The following MYH6 variants were observed in gnomAD, a reference collection of about 807,000 sequenced individuals.
MYH6 encodes myosin-6.
MYH6 carries 126 observed loss-of-function variants against 223.2 expected under a neutral mutation model. That is an observed-to-expected ratio of 0.56 (90% CI 0.49 to 0.65). The LOEUF (loss-of-function observed/expected upper bound fraction) is 0.65, where lower values mean the gene tolerates loss of function less well. Among genes scored for constraint, MYH6 ranks in the 30% least tolerant of loss-of-function variants. The pLI is 0.00. For missense variants in MYH6, 2,040 were observed against 2,536.4 expected, an observed-to-expected ratio of 0.80 and a Z score of 4.20; for synonymous variants, 978 against 1,010.2, an observed-to-expected ratio of 0.97 and a Z score of 0.61.
At chr14:23,395,761 C>A (rs1303007567) in intron 20 of MYH6, among the ~76,000 whole-genome samples, 1 of 152,126 alleles carries the variant, frequency 6.6e-6, no homozygotes, top group African/African-American at 2.4e-5. Context: ...ATCTCCTGAC[C>A]TCGTGATCCA....
Position 23,392,938 on chromosome 14 carries a change from T to C in MYH6, c.3225A>G (p.Lys1075=), listed in dbSNP as rs1215822435. The C allele has an allele frequency of 1.9e-6, 3 of 1,614,028 alleles. No individual in the cohort carries two copies. The African/African-American group carries it at 4.0e-5, about 22-fold the overall frequency. Residue 1075 remains lysine (K), a synonymous_variant, in exon 24 of 39, where the codon AAA becomes AAG. Transcript: ENST00000405093. ...QESIMDLEND[K]LQLEEKLKKK... ...TCTTAAGCTTTTCTTCCAGCTGCAG[T>C]TTATCATTTTCCAGGTCCATGATGC...
At chr14:23,396,446 G>T in intron 19 of MYH6, 26 bp from the exon 20 acceptor site, 1 of 1,612,566 alleles carries the variant, frequency 6.2e-7, no homozygotes, top group South Asian at 1.1e-5. Context: ...AGATGCAACA[G>T]GCCGCAGCCT....
chr14:23,392,814 C>A, intron 24 of MYH6, 98 bp downstream of exon 24: 2 of 1,564,974 alleles, frequency 1.3e-6, no homozygotes, highest in Admixed American at 1.7e-5. Context: ...TCCCAGCATA[C>A]CCAAGGCAAC....
rs1404787586 is a variant in MYH6 at position 23,397,541 on chromosome 14, A to G, written c.1962+2T>C. The G allele has an allele frequency of 6.2e-7, 1 of 1,613,922 alleles. No individual in the cohort carries two copies. ...GTCCTGGCACCCCTGGGCCCTTCTT[A>G]CCCGGTGGAGAGCCGACACCGTCTG... On this transcript the variant is annotated splice_donor_variant, in intron 16 of 38. Coordinates refer to ENST00000405093, the MANE Select transcript of MYH6 (RefSeq NM_002471.4). LOFTEE classifies it high-confidence loss of function.
intron 8 of MYH6, 68 bp from the exon 9 acceptor site, chr14:23,403,846 C>A: frequency 7.3e-7 from 1 of 1,374,380 alleles, no homozygotes; most frequent in South Asian, 1.2e-5. Context: ...GCCCTCTGTT[C>A]AGCCCAGAAG....
rs112735414 is a variant in MYH6 at position 23,403,403 on chromosome 14, C to T, written c.843G>A (p.Glu281=). Residue 281 remains glutamate (E), a synonymous_variant, in exon 10 of 39, where the codon GAG becomes GAA. Coordinates refer to ENST00000405093, the MANE Select transcript of MYH6 (RefSeq NM_002471.4). ...TCTGGTAGAAGATGTGGTAGTTTCT[C>T]TCAGCTTTCAGCTGGAAGATCACCC... ...KSRVIFQLKA[E]RNYHIFYQIL... is the part of the protein sequence containing the mutation. The T allele has an allele frequency of 8.7e-6, 14 of 1,614,084 alleles. No homozygotes were observed. In the South Asian group the frequency reaches 1.1e-4, roughly 13 times the overall value.
At chr14:23,385,315 G>C (rs930187192) in intron 34 of MYH6, among the ~76,000 whole-genome samples, 1 of 151,662 alleles carries the variant, frequency 6.6e-6, no homozygotes. Context: ...ACATGTTTAC[G>C]TAGGAGCATG....
rs755434984 is a variant in MYH6 at position 23,388,228 on chromosome 14, T to A, written c.4286A>T (p.Asp1429Val). The change falls in exon 30 of 39, where the codon GAC (aspartate) becomes GTC (valine). Residue 1429 changes from aspartate (D) to valine (V), a missense_variant. Around this residue, in one of 4 missense-constraint regions of MYH6, gnomAD observed 1,203 missense variants for 1,400.2 expected, o/e 0.86. Transcript: ENST00000405093. ...TKHRLQNEIE[D>V]LMVDVERSNA... Reference sequence around the variant, plus strand: ...GGAGCGCTCTACGTCCACCATCAAGTCCTCTATCTCATTCTGTAGCCGGTG... The same window carrying A: ...GGAGCGCTCTACGTCCACCATCAAGACCTCTATCTCATTCTGTAGCCGGTG... The A allele has an allele frequency of 1.5e-5, 24 of 1,612,576 alleles. No homozygotes were observed. Among genetic ancestry groups the A allele is most frequent in the Non-Finnish European group, 2.5e-6 (3 of 1,180,026 alleles).
At chr14:23,401,607 C>T (rs201939075) in intron 12 of MYH6, among the ~76,000 whole-genome samples, 6 of 152,252 alleles carry the variant, frequency 3.9e-5, no homozygotes, top group Non-Finnish European at 8.8e-5. Flanking sequence ...CACCATATCC[C>T]TCGCCTCTCC....
At chr14:23,398,586 T>A (rs575138875) in intron 15 of MYH6, 142 bp downstream of exon 15, 2 of 894,934 alleles carry the variant, frequency 2.2e-6, no homozygotes, top group East Asian at 4.9e-5. Context: ...CCAGCTGGAC[T>A]GTGGTGAGGT....
At chr14:23,397,982 CTT>C (rs1891475805) in intron 15 of MYH6, among the ~76,000 whole-genome samples, 1 of 140,630 alleles carries the variant, frequency 7.1e-6, no homozygotes, top group Admixed American at 7.4e-5. Context: ...TCTTCTTCTT[CTT>C]CTTCTTCTTC....
Position 23,404,364 on chromosome 14 carries a change from G to A in MYH6, c.667C>T (p.Gln223Ter). The A allele has an allele frequency of 6.2e-7, 1 of 1,614,214 alleles. No homozygotes were observed. The highest frequency in any genetic ancestry group is 8.5e-7 in the Non-Finnish European group (1 of 1,180,026). ...NKGTLEDQII[Q>*]ANPALEAFGN... is the part of the protein sequence containing the mutation. The stretch of plus-strand genomic sequence containing the variant: ...AAGGCCTCCAGAGCGGGGTTGGCCT[G>A]GATGATCTGGTCCTCCAGGGTGCCC... The change falls in exon 8 of 39, where the codon CAG (glutamine) becomes TAG (stop). Residue 223 changes from glutamine (Q) to a stop codon, truncating the protein, a stop_gained. Coordinates refer to ENST00000405093, the MANE Select transcript of MYH6 (RefSeq NM_002471.4). LOFTEE classifies it high-confidence loss of function.
chr14:23,390,496 G>A, intron 25 of MYH6, 50 bp from the exon 26 acceptor site: 1 of 1,596,140 alleles, frequency 6.3e-7, no homozygotes, highest in South Asian at 1.1e-5. Context: ...CCCTCCACTG[G>A]AATCCCCCCG....
At chr14:23,403,247 G>A (rs1891664952) in intron 10 of MYH6, 101 bp downstream of exon 10, 2 of 975,144 alleles carry the variant, frequency 2.1e-6, no homozygotes, top group African/African-American at 1.6e-5. Flanking sequence ...GAGCAGCAAG[G>A]TGGGGCACAG....
rs749152634 is a variant in MYH6 at position 23,403,315 on chromosome 14, C to T, written c.898+33G>A. On this transcript the variant is annotated intron_variant, in intron 10 of 38. Transcript: ENST00000405093. Reference sequence around the variant, plus strand: ...GAGTCGTTGGGGTGTGCAGCAGGGACAGCAGTGGGTGGGGGGTGGCAGGCA... The same window carrying T: ...GAGTCGTTGGGGTGTGCAGCAGGGATAGCAGTGGGTGGGGGGTGGCAGGCA... The T allele has an allele frequency of 6.4e-6, 10 of 1,567,626 alleles. No homozygotes were observed. In the African/African-American group the frequency reaches 1.1e-4, roughly 17 times the overall value.
Position 23,392,663 on chromosome 14 carries a change from A to AGGGGGGG in MYH6, c.3252-12_3252-11insCCCCCCC. ...ATGTCAAACTCCTTCCTGCAGGAGA[A>AGGGGGGG]GGGTGGGGGTGGGGGAGTGACAGGT... On this transcript the variant is annotated splice_polypyrimidine_tract_variant and intron_variant, in intron 24 of 38. Coordinates refer to ENST00000405093, the MANE Select transcript of MYH6 (RefSeq NM_002471.4). 1.9e-6 allele frequency: 1 copy of AGGGGGGG among 521,820 alleles called. No homozygotes were observed. The highest frequency in any genetic ancestry group is 3.2e-5 in the Admixed American group (1 of 31,426). The allele number at this position is 521,820 out of a possible 1,614,324, so 32.3% of individuals were successfully genotyped here.
In MYH6 at chr14:23,390,420, C is replaced by T. The variant is rs876657517; in HGVS notation, c.3369G>A (p.Glu1123=). ...CCCTGGCGGTGCGCTCGGCCTCCAGCTCCTCCTCCAGCTCCTCGATGCGTG... is the reference window on the plus strand; with the variant it reads ...CCCTGGCGGTGCGCTCGGCCTCCAGTTCCTCCTCCAGCTCCTCGATGCGTG... The part of the protein sequence containing the change: ...NQARIEELEE[E]LEAERTARAK... The change falls in exon 26 of 39, where the codon GAG becomes GAA. Residue 1123 remains glutamate, a synonymous_variant. Transcript: ENST00000405093. The T allele has an allele frequency of 3.1e-6, 5 of 1,612,248 alleles. No homozygotes were observed. Among genetic ancestry groups the T allele is most frequent in the Non-Finnish European group, 4.2e-6 (5 of 1,179,804 alleles).
At position 23,396,920 on chromosome 14, in the gene MYH6, G is replaced by A. The variant is rs749991120; in HGVS notation, c.2168+43C>T. 5.8e-5 allele frequency: 93 copies of A among 1,612,334 alleles called. No homozygotes were observed. In the South Asian group the frequency reaches 6.4e-4, roughly 11 times the overall value. Reference sequence around the variant, plus strand: ...GATCCCATTCCCATCAGGGCAGCCTGGCTCCCCCTGTTCTATGAGCTCTGG... The same window carrying A: ...GATCCCATTCCCATCAGGGCAGCCTAGCTCCCCCTGTTCTATGAGCTCTGG... On this transcript the variant is annotated intron_variant, in intron 18 of 38. Coordinates refer to ENST00000405093, the MANE Select transcript of MYH6 (RefSeq NM_002471.4).
chr14:23,404,880 T>A, intron 6 of MYH6, 58 bp from the exon 7 acceptor site: 9 of 1,552,430 alleles, frequency 5.8e-6, no homozygotes, highest in Non-Finnish European at 8.0e-6. Flanking sequence ...CATACAGGGC[T>A]CAGCATCACA....
Sources: allele counts gnomAD v4.1 joint callset (sites outside exome capture counted in the v4.1 genomes callset), GRCh38; gene constraint gnomAD v4.1.1; regional missense constraint gnomAD v4.1.1; transcripts MANE v1.5; gene names NCBI Gene and HGNC (gene_info 2026-07-23, HGNC 2026-07-21).